Variants in SNX13 observed in about 807,000 individuals in gnomAD.
SNX13 encodes sorting nexin 13.
A neutral mutation model predicts 133.6 loss-of-function variants in SNX13; 45 were observed. The ratio of observed to expected loss-of-function variants is 0.34; its 90% CI spans 0.27 to 0.43. The LOEUF (loss-of-function observed/expected upper bound fraction) is 0.43. Among genes scored for constraint, SNX13 ranks in the 20% least tolerant of loss-of-function variants. SNX13 has a pLI of 1.00. For missense variants in SNX13, 1,032 were observed against 1,145.1 expected (o/e 0.90, Z 1.43); for synonymous variants, 414 against 373.9 (o/e 1.11, Z -1.24).
chr7:17,837,691 T>C (rs1192791346), intron 13 of SNX13, among the ~76,000 whole-genome samples: 4 of 151,986 alleles, frequency 2.6e-5, no homozygotes, highest in Admixed American at 2.0e-4. Context: ...GATGTCATCA[T>C]AAGTTAAATC....
intron 9 of SNX13, among the ~76,000 whole-genome samples, chr7:17,864,254 T>C (rs919276291): frequency 7.2e-5 from 11 of 152,256 alleles, no homozygotes; most frequent in Middle Eastern, 3.4e-3. Context: ...ACAAAAGAGC[T>C]GTTTTGAGGA....
At chr7:17,835,392 GGT>G (rs1180310977) in intron 13 of SNX13, among the ~76,000 whole-genome samples, 1 of 151,708 alleles carries the variant, frequency 6.6e-6, no homozygotes, top group Non-Finnish European at 1.5e-5. Context: ...TCCTAAATTT[GGT>G]TTTATAACTA....
chr7:17,914,641 T>A (rs1164920832), intron 1 of SNX13, among the ~76,000 whole-genome samples: 1 of 152,090 alleles, frequency 6.6e-6, no homozygotes, highest in South Asian at 2.1e-4. Flanking sequence ...GCTTCATAAG[T>A]GAACAAGAAA....
At chr7:17,856,239 T>A (rs925592342) in intron 9 of SNX13, among the ~76,000 whole-genome samples, 3 of 152,256 alleles carry the variant, frequency 2.0e-5, no homozygotes, top group Non-Finnish European at 4.4e-5. Context: ...AGTTAATTTG[T>A]CATCAGTTCA....
intron 1 of SNX13, among the ~76,000 whole-genome samples, chr7:17,939,252 T>C (rs960946168): frequency 3.3e-5 from 5 of 152,216 alleles, no homozygotes; most frequent in African/African-American, 7.2e-5. Context: ...ATACTTCCCA[T>C]TGCCCACTAA....
chr7:17,870,091 T>C (rs1302930901), intron 8 of SNX13, among the ~76,000 whole-genome samples: 1 of 152,170 alleles, frequency 6.6e-6, no homozygotes, highest in Non-Finnish European at 1.5e-5. Context: ...GAGCTCTAAA[T>C]ATTCCAAGCA....
intron 9 of SNX13, among the ~76,000 whole-genome samples, chr7:17,852,208 T>C (rs1252435224): frequency 6.6e-6 from 1 of 152,156 alleles, no homozygotes; most frequent in Non-Finnish European, 1.5e-5. Flanking sequence ...ACCCCGTCTC[T>C]ACTAAAAATA....
chr7:17,853,360 T>C (rs1791473233), intron 9 of SNX13, among the ~76,000 whole-genome samples: 1 of 152,090 alleles, frequency 6.6e-6, no homozygotes, highest in African/African-American at 2.4e-5. Flanking sequence ...GAGTGGGCTA[T>C]GAAAAGGTAA....
rs544303039 is a variant in SNX13 at position 17,810,732 on chromosome 7, A to G, written c.2064+4102T>C. 2.6e-5 allele frequency among the ~76,000 whole-genome samples: 4 copies of G among 152,348 alleles called. No homozygotes were observed. The East Asian group carries it at 7.7e-4, about 29-fold the overall frequency. ...AAATTTCAGGCCAATACGCCTGATG[A>G]ACATCAATGTGAAAATCCTCAATAA... On this transcript the variant is annotated intron_variant, in intron 20 of 25. Transcript: ENST00000428135.
intron 8 of SNX13, among the ~76,000 whole-genome samples, chr7:17,871,781 A>G (rs1393801699): frequency 2.0e-5 from 3 of 152,178 alleles, no homozygotes; most frequent in East Asian, 3.9e-4. Context: ...CTACTGCAAC[A>G]GTTGCTGGAT....
intron 7 of SNX13, 94 bp downstream of exon 7, chr7:17,875,386 G>GT (rs143314846): frequency 0.011 from 9,993 of 927,934 alleles, 69 homozygotes; most frequent in Non-Finnish European, 0.014. Context: ...CCTGCCCTAA[G>GT]TAAGAATAAT....
chr7:17,897,378 A>C lies in SNX13; in HGVS notation c.81T>G (p.Phe27Leu). The C allele has an allele frequency of 6.3e-7, 1 of 1,595,328 alleles. No homozygotes were observed. The highest frequency in any genetic ancestry group is 8.5e-7 in the Non-Finnish European group (1 of 1,170,166). The change falls in exon 2 of 26, where the codon TTT (phenylalanine) becomes TTG (leucine). Residue 27 changes from phenylalanine (F) to leucine (L), a missense_variant. Phe to Leu is a conservative substitution (Grantham distance 22, BLOSUM62 0). Coordinates refer to ENST00000428135, the MANE Select transcript of SNX13 (RefSeq NM_015132.5). ...TATAAAATGTCAAATAAAATATTAC[A>C]AAGGGTCCAAAGGTTATCAGAAAAA... Reference protein sequence around the residue: ...IVLFLITFGPFVIFYLTFYIL... With the variant: ...IVLFLITFGPLVIFYLTFYIL...
At chr7:17,875,646 T>C in intron 6 of SNX13, 23 bp downstream of exon 6, 1 of 1,606,256 alleles carries the variant, frequency 6.2e-7, no homozygotes, top group Non-Finnish European at 8.5e-7. Context: ...AATCCTAGTT[T>C]TCAAATGGAA....
chr7:17,887,149 CT>C, intron 5 of SNX13, among the ~76,000 whole-genome samples: 1 of 152,304 alleles, frequency 6.6e-6, no homozygotes, highest in Non-Finnish European at 1.5e-5. Flanking sequence ...TTGGCAAATA[CT>C]TTACTAAATG....
chr7:17,902,919 T>C (rs963406527), intron 1 of SNX13, among the ~76,000 whole-genome samples: 6 of 152,144 alleles, frequency 3.9e-5, no homozygotes, highest in African/African-American at 4.8e-5. Flanking sequence ...AGGTTGAGTA[T>C]TCCTTATGAT....
intron 18 of SNX13, among the ~76,000 whole-genome samples, chr7:17,820,928 T>C (rs1302699362): frequency 1.3e-5 from 2 of 152,164 alleles, no homozygotes; most frequent in Non-Finnish European, 2.9e-5. Flanking sequence ...GGAAATAATT[T>C]CTTTAGATTT....
chr7:17,890,383 T>C lies in SNX13; in HGVS notation c.420A>G (p.Ala140=). Residue 140 remains alanine (A), a synonymous_variant, in exon 5 of 26, where the codon GCA becomes GCG. Transcript: ENST00000428135. ...CTTACCTAGTAGCAAACTGAATGAG[T>C]GCGTTTTGAAGAGTCTGCCTAATTT... ...LLEIRQTLQN[A]LIQFATRSKE... is the part of the protein sequence containing the mutation. 2 of 1,611,234 alleles carry C rather than the reference T, an allele frequency of 1.2e-6. No homozygotes were observed. Among genetic ancestry groups the C allele is most frequent in the Non-Finnish European group, 1.7e-6 (2 of 1,178,436 alleles).
chr7:17,861,464 A>C (rs567093247), intron 9 of SNX13, among the ~76,000 whole-genome samples: 1 of 152,210 alleles, frequency 6.6e-6, no homozygotes, highest in South Asian at 2.1e-4. Flanking sequence ...ACACTAACGT[A>C]ATCATTGGTC....
chr7:17,819,745 T>C (rs1170235465), intron 18 of SNX13, among the ~76,000 whole-genome samples: 2 of 152,172 alleles, frequency 1.3e-5, no homozygotes, highest in African/African-American at 4.8e-5. Flanking sequence ...GCAAAGACCC[T>C]AAATCTTATT....
Sources: allele counts gnomAD v4.1 joint callset (sites outside exome capture counted in the v4.1 genomes callset), GRCh38; gene constraint gnomAD v4.1.1; transcripts MANE v1.5; gene names NCBI Gene and HGNC (gene_info 2026-07-23, HGNC 2026-07-21).